Variants in DNAH12 observed in about 807,000 individuals in gnomAD.
DNAH12 encodes the protein axonemal beta dynein heavy chain 12.
Under a neutral mutation model 371.5 loss-of-function variants are expected in DNAH12, and 285 were observed. The observed-to-expected ratio is 0.77, with a 90% CI of 0.70 to 0.85. DNAH12 has a LOEUF of 0.85. Among genes scored for constraint, DNAH12 ranks in the 40% least tolerant of loss-of-function variants. The pLI is 0.00. For synonymous variants in DNAH12, 1,200 were observed against 1,213.0 expected (o/e 0.99, Z 0.22); for missense variants, 3,611 against 3,689.4 (o/e 0.98, Z 0.55).
At chr3:57,340,428 A>C (rs2062366138) in intron 60 of DNAH12, among the ~76,000 whole-genome samples, 1 of 152,116 alleles carries the variant, frequency 6.6e-6, no homozygotes, top group African/African-American at 2.4e-5. Flanking sequence ...AGACTAAGAA[A>C]AAAAGAGAAG....
chr3:57,405,786 C>A lies in DNAH12; in HGVS notation c.6443G>T (p.Arg2148Leu). The change falls in exon 41 of 74, where the codon CGA becomes CTA. Residue 2148 changes from arginine to leucine, a missense_variant. Physicochemically the swap from Arg to Leu is moderately radical, Grantham distance 102 (BLOSUM62 -2). Around this residue, in one of 3 missense-constraint regions of DNAH12, gnomAD observed 2,266 missense variants for 2,236.9 expected, o/e 1.01. Transcript: ENST00000495027. ...MIRLFVHEVL[R>L]VFYDRLINDD... ...ATTAATGAGGCGATCATAAAACACT[C>A]GGAGAACCTCATGCACAAACAGACG... The A allele has an allele frequency of 6.4e-7, 1 of 1,551,644 alleles. No individual in the cohort carries two copies. Among genetic ancestry groups the A allele is most frequent in the South Asian group, 1.2e-5 (1 of 84,046 alleles).
intron 2 of DNAH12, 96 bp from the exon 3 acceptor site, chr3:57,523,980 A>G: frequency 1.3e-6 from 1 of 794,884 alleles, no homozygotes; most frequent in Non-Finnish European, 1.9e-6. Context: ...ATACTAAGAG[A>G]TATTCAAGAG....
chr3:57,421,471 T>A, intron 36 of DNAH12, 47 bp downstream of exon 36: 2 of 1,535,462 alleles, frequency 1.3e-6, no homozygotes, highest in Non-Finnish European at 1.8e-6. Context: ...TCTGCTGGCC[T>A]AAGCCTTTGT....
At chr3:57,477,282 G>A (rs1179628118) in intron 13 of DNAH12, among the ~76,000 whole-genome samples, 1 of 152,190 alleles carries the variant, frequency 6.6e-6, no homozygotes, top group African/African-American at 2.4e-5. Flanking sequence ...ATTATATCCT[G>A]TGCATGGCTC....
At position 57,310,920 on chromosome 3, in the gene DNAH12, A is replaced by G. The variant is rs1179384704; in HGVS notation, c.10693T>C (p.Phe3565Leu). The change falls in exon 67 of 74, where the codon TTT becomes CTT. Residue 3565 changes from phenylalanine to leucine, a missense_variant. This residue lies in a region of DNAH12 where 2,266 missense variants were observed against 2,236.9 expected (regional missense o/e 1.01). Coordinates refer to ENST00000495027, the MANE Select transcript of DNAH12 (RefSeq NM_001366028.2). Reference sequence around the variant, plus strand: ...CCAGTCAGGTAAGATATAGCTTCAAATGGAATTGTATCATATTCATTGATA... The same window carrying G: ...CCAGTCAGGTAAGATATAGCTTCAAGTGGAATTGTATCATATTCATTGATA... ...LFINEYDTIP[F>L]EAISYLTGEC... 6.4e-7 allele frequency: 1 copy of G among 1,551,098 alleles called. No homozygotes were observed. Among genetic ancestry groups the G allele is most frequent in the Non-Finnish European group, 8.7e-7 (1 of 1,146,628 alleles).
chr3:57,445,808 A>G (rs1298168724), intron 27 of DNAH12, among the ~76,000 whole-genome samples: 2 of 151,894 alleles, frequency 1.3e-5, no homozygotes, highest in South Asian at 2.1e-4. Flanking sequence ...CTAACATGGT[A>G]AAACCCCGTC....
At chr3:57,443,601 ATGATT>A in intron 29 of DNAH12, among the ~76,000 whole-genome samples, 2 of 152,156 alleles carry the variant, frequency 1.3e-5, no homozygotes, top group East Asian at 3.8e-4. Context: ...GTGCAACATG[ATGATT>A]TGATAAACAT....
rs188577857 is a variant in DNAH12, at chr3:57,411,571, A to G, written c.6020+2175T>C. Among the ~76,000 whole-genome samples, 330 of 149,064 alleles carry G rather than the reference A, an allele frequency of 2.2e-3. 2 individuals are homozygous for G. Among genetic ancestry groups the G allele is most frequent in the Non-Finnish European group, 2.1e-3 (140 of 67,294 alleles). On this transcript the variant is annotated intron_variant, in intron 39 of 73. Transcript: ENST00000495027. ...AAAAAAAAAAGAAAGAAAGAAAAGT[A>G]CAACACCATTTACATTAGCACCCAC...
intron 53 of DNAH12, among the ~76,000 whole-genome samples, 186 bp downstream of exon 53, chr3:57,376,795 G>A (rs1407838284): frequency 5.3e-5 from 8 of 152,246 alleles, no homozygotes; most frequent in African/African-American, 1.9e-4. Context: ...CCATGTGAAA[G>A]CAATTTGTAA....
intron 40 of DNAH12, among the ~76,000 whole-genome samples, chr3:57,407,465 T>C (rs2064074454): frequency 1.3e-5 from 2 of 152,182 alleles, no homozygotes; most frequent in Non-Finnish European, 2.9e-5. Context: ...GTAGTTTCTT[T>C]ACTTGAACAG....
At chr3:57,334,385 C>A in intron 62 of DNAH12, 80 bp downstream of exon 62, 1 of 1,374,416 alleles carries the variant, frequency 7.3e-7, no homozygotes, top group Non-Finnish European at 9.5e-7. Context: ...GTTAAAGAAT[C>A]AAATAACAAG....
intron 28 of DNAH12, 132 bp downstream of exon 28, chr3:57,445,042 C>A: frequency 8.3e-7 from 1 of 1,206,728 alleles, no homozygotes. Context: ...ACCCAAAAAA[C>A]CATCATTTCA....
rs1397753304 is a variant in DNAH12 at position 57,483,446 on chromosome 3, A to G, written c.1580T>C (p.Met527Thr). The change falls in exon 13 of 74, where the codon ATG becomes ACG. Residue 527 changes from methionine (M) to threonine (T), a missense_variant. Coordinates refer to ENST00000495027, the MANE Select transcript of DNAH12 (RefSeq NM_001366028.2). ...ALKVPETTEE[M>T]MDLISYVEKA... ...TTCTACATAAGATATCAGATCCATCATCTCTTCTGTTGTTTCAGGGACTTT... is the reference window on the plus strand; with the variant it reads ...TTCTACATAAGATATCAGATCCATCGTCTCTTCTGTTGTTTCAGGGACTTT... 2 of 1,551,420 alleles carry G rather than the reference A, an allele frequency of 1.3e-6. No homozygotes were observed. Among genetic ancestry groups the G allele is most frequent in the East Asian group, 2.4e-5 (1 of 40,874 alleles).
rs911963560 is a variant in DNAH12, at chr3:57,445,204, T to C, written c.4395A>G (p.Leu1465=). ...TATCTTCATTTTCATTTGGGTATTT[T>C]AGTTTTAGATTGCCAGCAGCCACTA... ...AVLVAAGNLK[L]KYPNENEDIL... is the part of the protein sequence containing the mutation. Residue 1465 remains leucine, a synonymous_variant, in exon 28 of 74, where the codon CTA becomes CTG. Coordinates refer to ENST00000495027, the MANE Select transcript of DNAH12 (RefSeq NM_001366028.2). 2.6e-6 allele frequency: 4 copies of C among 1,547,796 alleles called. No individual in the cohort carries two copies. The African/African-American group carries it at 5.5e-5, about 21-fold the overall frequency.
intron 33 of DNAH12, among the ~76,000 whole-genome samples, chr3:57,429,033 A>T (rs936279929): frequency 2.0e-5 from 3 of 152,196 alleles, no homozygotes; most frequent in Non-Finnish European, 2.9e-5. Context: ...TTTAAACATT[A>T]TCTCGATCTG....
intron 45 of DNAH12, among the ~76,000 whole-genome samples, chr3:57,389,681 A>C (rs1323860722): frequency 6.6e-6 from 1 of 151,524 alleles, no homozygotes; most frequent in East Asian, 1.9e-4. Flanking sequence ...GCTCCCCAGC[A>C]GACTTTACCT....
chr3:57,499,970 A>G (rs956228518), intron 11 of DNAH12, among the ~76,000 whole-genome samples: 2 of 152,066 alleles, frequency 1.3e-5, no homozygotes, highest in Non-Finnish European at 2.9e-5. Flanking sequence ...GTTTTAACCA[A>G]TAGAACAAGG....
intron 18 of DNAH12, among the ~76,000 whole-genome samples, chr3:57,462,228 G>C (rs535112289): frequency 1.4e-3 from 195 of 135,130 alleles, no homozygotes; most frequent in African/African-American, 5.0e-3. Flanking sequence ...CACACTTTGG[G>C]GGGGAGGAAA....
chr3:57,312,817 A>C (rs1433701948), intron 66 of DNAH12, among the ~76,000 whole-genome samples: 1 of 152,244 alleles, frequency 6.6e-6, no homozygotes, highest in Non-Finnish European at 1.5e-5. Context: ...AACTGTTACA[A>C]GGATTTTCAA....
Sources: allele counts gnomAD v4.1 joint callset (sites outside exome capture counted in the v4.1 genomes callset), GRCh38; gene constraint gnomAD v4.1.1; regional missense constraint gnomAD v4.1.1; transcripts MANE v1.5; gene names NCBI Gene and HGNC (gene_info 2026-07-23, HGNC 2026-07-21).